The following PRELID2 variants were observed in gnomAD, a reference collection of about 807,000 sequenced individuals.
The protein encoded by PRELID2 is PRELI domain containing 2.
In PRELID2, 25 loss-of-function variants were observed where a neutral mutation model predicts 28.4. That is an observed-to-expected ratio of 0.88 (90% CI 0.64 to 1.23). The LOEUF (loss-of-function observed/expected upper bound fraction) is 1.23, where lower values mean the gene tolerates loss of function less well. Ranked by LOEUF, PRELID2 falls within the 50% of genes most tolerant of loss-of-function variation. The pLI, the probability that PRELID2 is intolerant of heterozygous loss-of-function variation, is 0.00. For missense variants in PRELID2, 201 were observed against 214.4 expected, an observed-to-expected ratio of 0.94 and a Z score of 0.39; for synonymous variants, 76 against 71.6, an observed-to-expected ratio of 1.06 and a Z score of -0.31.
chr5:145,672,691 G>T (rs559280432), intron 1 of PRELID2, among the ~76,000 whole-genome samples: 4 of 152,034 alleles, frequency 2.6e-5, no homozygotes, highest in Admixed American at 2.6e-4. Context: ...AACTTCATTG[G>T]CTTCTACCTC....
At chr5:145,658,472 G>C (rs1315912643) in intron 1 of PRELID2, among the ~76,000 whole-genome samples, 4 of 152,212 alleles carry the variant, frequency 2.6e-5, no homozygotes, top group African/African-American at 7.2e-5. Flanking sequence ...CTAGTGGAAA[G>C]TATTAGATGA....
the PRELID2 span, among the ~76,000 whole-genome samples, chr5:145,370,070 T>C: frequency 6.6e-6 from 1 of 152,148 alleles, no homozygotes; most frequent in Non-Finnish European, 1.5e-5. Context: ...ATTCAGTAGT[T>C]GTCTGTTCAG....
intron 1 of PRELID2, among the ~76,000 whole-genome samples, chr5:145,751,189 A>G (rs1257536665): frequency 6.6e-6 from 1 of 152,194 alleles, no homozygotes; most frequent in African/African-American, 2.4e-5. Context: ...CTCAACTAAG[A>G]GCTTTAGTAA....
At chr5:145,577,818 C>T (rs1183996463) in intron 1 of PRELID2, among the ~76,000 whole-genome samples, 3 of 152,108 alleles carry the variant, frequency 2.0e-5, no homozygotes, top group African/African-American at 7.2e-5. Flanking sequence ...CTGTCTTCCA[C>T]ACTAACAGGC....
At chr5:145,387,917 C>A in the PRELID2 span, among the ~76,000 whole-genome samples, 1 of 149,294 alleles carries the variant, frequency 6.7e-6, no homozygotes, top group Admixed American at 6.7e-5. Context: ...GAGAGAAAGA[C>A]CCTGTCTCAA....
the PRELID2 span, among the ~76,000 whole-genome samples, chr5:145,254,908 C>G: frequency 6.8e-6 from 1 of 146,066 alleles, no homozygotes; most frequent in Admixed American, 6.7e-5. Flanking sequence ...AGAACCCAAA[C>G]TCTGAATTAA....
Position 145,820,051 on chromosome 5 carries a change from T to A in PRELID2, c.134-33A>T. ...AGAAATTTTTTTACACAAAAAAAAA[T>A]TAAAGAAATGTGTTCTTTTCTTAGT... On this transcript the variant is annotated intron_variant, in intron 2 of 6. Coordinates refer to ENST00000683046, the MANE Select transcript of PRELID2 (RefSeq NM_205846.3). The A allele has an allele frequency of 1.6e-6, 2 of 1,248,162 alleles. No individual in the cohort carries two copies. The highest frequency in any genetic ancestry group is 1.2e-6 in the Non-Finnish European group (1 of 866,654). 77.3% of individuals were successfully genotyped at this position (1,248,162 alleles called of 1,614,324 possible).
intron 1 of PRELID2, among the ~76,000 whole-genome samples, chr5:145,476,936 C>A (rs895012519): frequency 6.6e-6 from 1 of 152,038 alleles, no homozygotes; most frequent in African/African-American, 2.4e-5. Flanking sequence ...TGAGCAAATG[C>A]CTTAATTCGT....
chr5:145,434,415 T>C, the PRELID2 span, among the ~76,000 whole-genome samples: 77 of 152,306 alleles, frequency 5.1e-4, 1 homozygote, highest in South Asian at 7.0e-3. Flanking sequence ...TGGATAACTG[T>C]ATCATTTGTT....
At chr5:145,642,462 G>A (rs1220060974) in intron 1 of PRELID2, among the ~76,000 whole-genome samples, 9 of 152,156 alleles carry the variant, frequency 5.9e-5, no homozygotes, top group Admixed American at 3.3e-4. Flanking sequence ...CCATTCTGTA[G>A]GTTGCCTGTT....
chr5:145,713,542 ATATATATACTTTT>A (rs1181148336), intron 1 of PRELID2, among the ~76,000 whole-genome samples: 2 of 142,482 alleles, frequency 1.4e-5, no homozygotes, highest in East Asian at 4.0e-4. Context: ...AGTGCTTTAT[ATATATATACTTTT>A]TATATATACT....
chr5:145,597,986 A>G (rs1272561548), intron 1 of PRELID2, among the ~76,000 whole-genome samples: 1 of 152,210 alleles, frequency 6.6e-6, no homozygotes, highest in East Asian at 1.9e-4. Context: ...ATGCTATTGG[A>G]GAAAATAAAG....
chr5:145,589,702 C>T (rs939504910), intron 1 of PRELID2, among the ~76,000 whole-genome samples: 9 of 152,186 alleles, frequency 5.9e-5, no homozygotes, highest in Non-Finnish European at 1.0e-4. Flanking sequence ...TTATTGAAGA[C>T]ATTTTTCTAA....
chr5:145,593,257 C>A (rs1398448522), intron 1 of PRELID2, among the ~76,000 whole-genome samples: 1 of 152,122 alleles, frequency 6.6e-6, no homozygotes, highest in Non-Finnish European at 1.5e-5. Flanking sequence ...ACTTCTAATA[C>A]CAAAATTGTG....
the PRELID2 span, among the ~76,000 whole-genome samples, chr5:145,375,857 A>G: frequency 4.6e-5 from 7 of 152,206 alleles, no homozygotes; most frequent in Non-Finnish European, 1.0e-4. Flanking sequence ...CTGGAGCTAT[A>G]GAGATGCATG....
the PRELID2 span, among the ~76,000 whole-genome samples, chr5:145,342,652 T>C: frequency 2.0e-5 from 3 of 151,998 alleles, no homozygotes; most frequent in African/African-American, 7.2e-5. Flanking sequence ...TTAAAAAATT[T>C]CTTTTTGATT....
At chr5:145,406,518 G>T in the PRELID2 span, among the ~76,000 whole-genome samples, 2 of 152,136 alleles carry the variant, frequency 1.3e-5, no homozygotes, top group African/African-American at 4.8e-5. Context: ...ATATTTTTGT[G>T]TACAACAATG....
Position 145,476,581 on chromosome 5 carries a change from G to A in PRELID2, n.71-3266C>T, listed in dbSNP as rs1580951191. Among the ~76,000 whole-genome samples the A allele has an allele frequency of 2.6e-5, 4 of 152,156 alleles. No homozygotes were observed. In the South Asian group the frequency reaches 6.2e-4, roughly 24 times the overall value. The stretch of plus-strand genomic sequence containing the variant: ...AATCGCCTGAACCCCGGAGGTGGAG[G>A]TTACAGTGAGCCGAGATTGCGCCAC... On this transcript the variant is annotated intron_variant and non_coding_transcript_variant, in intron 1 of 2. Coordinates refer to the PRELID2 transcript ENST00000510259.
chr5:145,667,156 GAA>G (rs1434979282), intron 1 of PRELID2, among the ~76,000 whole-genome samples: 1 of 152,016 alleles, frequency 6.6e-6, no homozygotes, highest in Non-Finnish European at 1.5e-5. Flanking sequence ...GGCTAATCTG[GAA>G]AAGTCTAAGA....
Sources: gnomAD v4.1 joint callset for allele counts (sites outside exome capture counted in the v4.1 genomes callset) on GRCh38, gnomAD v4.1.1 for gene constraint, MANE v1.5 for transcripts, NCBI Gene and HGNC (gene_info 2026-07-23, HGNC 2026-07-21) for gene names.